The following CHODL variants were observed in gnomAD, a reference collection of about 807,000 sequenced individuals.
CHODL encodes the protein chondrolectin, also known as transmembrane protein MT75.
A neutral mutation model predicts 34.5 loss-of-function variants in CHODL; 29 were observed. The ratio of observed to expected loss-of-function variants is 0.84; its 90% confidence interval spans 0.63 to 1.15. The LOEUF is 1.15. Among genes scored for constraint, CHODL ranks in the 50% most tolerant of loss-of-function variants. The probability of loss-of-function intolerance (pLI) is 0.00; values close to 1 mark genes in which losing one functional copy is unlikely to be tolerated. For synonymous variants in CHODL, 125 were observed against 116.1 expected (o/e 1.08, Z -0.49); for missense variants, 332 against 332.5 (o/e 1.00, Z 0.01).
chr21:18,133,820 C>G (rs2072687528), intron 2 of CHODL, among the ~76,000 whole-genome samples: 3 of 152,130 alleles, frequency 2.0e-5, no homozygotes, highest in African/African-American at 7.2e-5. Flanking sequence ...CTCATACTGC[C>G]TATTGTGTGG....
chr21:18,198,291 G>A (rs759647058), intron 2 of CHODL, among the ~76,000 whole-genome samples: 7 of 152,016 alleles, frequency 4.6e-5, no homozygotes, highest in South Asian at 2.1e-4. Context: ...TATACTCTTT[G>A]TTCCCAAAGA....
At chr21:17,946,377 G>A (rs897076290) in intron 1 of CHODL, among the ~76,000 whole-genome samples, 14 of 152,160 alleles carry the variant, frequency 9.2e-5, no homozygotes, top group Non-Finnish European at 1.9e-4. Context: ...CCGAGATGGC[G>A]CCACTGCACT....
intron 2 of CHODL, among the ~76,000 whole-genome samples, chr21:18,130,153 T>TA (rs1260306382): frequency 6.6e-6 from 1 of 152,172 alleles, no homozygotes; most frequent in Non-Finnish European, 1.5e-5. Flanking sequence ...GATTAGTCAA[T>TA]AATGCAGATA....
chr21:18,113,043 A>T (rs1267455451), intron 2 of CHODL, among the ~76,000 whole-genome samples: 1 of 152,138 alleles, frequency 6.6e-6, no homozygotes, highest in Non-Finnish European at 1.5e-5. Flanking sequence ...TAACCAGAGT[A>T]TATAAGGAGC....
intron 2 of CHODL, among the ~76,000 whole-genome samples, chr21:18,197,327 G>T (rs146223426): frequency 6.6e-6 from 1 of 151,944 alleles, no homozygotes; most frequent in African/African-American, 2.4e-5. Flanking sequence ...AAAATTTATC[G>T]TGGCTGAGCG....
chr21:18,086,041 C>CTTTTTTT (rs3984977), intron 2 of CHODL, among the ~76,000 whole-genome samples: 117 of 38,754 alleles, frequency 3.0e-3, no homozygotes, highest in Non-Finnish European at 4.3e-3. Context: ...AGACTTTGTT[C>CTTTTTTT]TTTTTTTTTT....
At chr21:17,963,732 T>C (rs1049150095) in intron 1 of CHODL, among the ~76,000 whole-genome samples, 2 of 152,212 alleles carry the variant, frequency 1.3e-5, no homozygotes, top group African/African-American at 4.8e-5. Context: ...CAACCTTTTT[T>C]TTTTTCTGTG....
intron 1 of CHODL, among the ~76,000 whole-genome samples, chr21:17,971,343 CCCA>C (rs1317042973): frequency 1.3e-5 from 2 of 152,214 alleles, no homozygotes; most frequent in African/African-American, 4.8e-5. Flanking sequence ...AATTTACACT[CCCA>C]CCAACAGTGT....
intron 2 of CHODL, among the ~76,000 whole-genome samples, chr21:18,054,522 G>A (rs1045402170): frequency 8.6e-5 from 13 of 151,940 alleles, no homozygotes; most frequent in African/African-American, 2.9e-4. Flanking sequence ...GATAAATACT[G>A]TATGATTTCA....
rs541019256 is a variant in CHODL, at chr21:18,056,646, T to A, written c.-45+28675T>A. Reference sequence around the variant, plus strand: ...AGACATCCTGCACTGTACTCTTTTTTAAATTCCTCCTATTTTTCATCTCTT... The same window carrying A: ...AGACATCCTGCACTGTACTCTTTTTAAAATTCCTCCTATTTTTCATCTCTT... On this transcript the variant is annotated intron_variant, in intron 2 of 6. Transcript: ENST00000400127. Among the ~76,000 whole-genome samples the A allele has an allele frequency of 1.9e-4, 29 of 152,092 alleles. 1 individual carries two copies. The East Asian group carries it at 3.9e-3, about 20-fold the overall frequency.
chr21:17,981,752 A>T (rs1181232516), intron 1 of CHODL, among the ~76,000 whole-genome samples: 1 of 152,214 alleles, frequency 6.6e-6, no homozygotes, highest in Non-Finnish European at 1.5e-5. Context: ...TGAGTGGCTA[A>T]CTTACCTAGT....
chr21:18,244,608 A>C (rs2074113444), upstream of CHODL, among the ~76,000 whole-genome samples: 3 of 152,132 alleles, frequency 2.0e-5, no homozygotes, highest in Admixed American at 6.5e-5. Flanking sequence ...ATTTTACACA[A>C]AGAGTATCCA....
intron 2 of CHODL, among the ~76,000 whole-genome samples, chr21:18,195,039 AT>A (rs752194004): frequency 6.7e-6 from 1 of 150,308 alleles, no homozygotes; most frequent in East Asian, 2.0e-4. Flanking sequence ...TTATTTATTT[AT>A]TTATTTATTT....
intron 2 of CHODL, among the ~76,000 whole-genome samples, chr21:18,228,848 C>T (rs1371773771): frequency 6.6e-6 from 1 of 152,066 alleles, no homozygotes; most frequent in Non-Finnish European, 1.5e-5. Context: ...ATAACGAGAG[C>T]CCTACTAAAT....
chr21:18,073,516 A>C (rs1205451837), intron 2 of CHODL, among the ~76,000 whole-genome samples: 3 of 152,114 alleles, frequency 2.0e-5, no homozygotes, highest in African/African-American at 7.2e-5. Flanking sequence ...TTAAACTTTC[A>C]GGAAGATTCT....
At chr21:17,980,872 A>G (rs1255551318) in intron 1 of CHODL, among the ~76,000 whole-genome samples, 2 of 152,190 alleles carry the variant, frequency 1.3e-5, no homozygotes, top group South Asian at 2.1e-4. Flanking sequence ...CTTCACTTTG[A>G]AAAAGATGAG....
intron 1 of CHODL, among the ~76,000 whole-genome samples, chr21:17,943,657 C>T (rs1252038050): frequency 5.3e-5 from 8 of 152,140 alleles, no homozygotes; most frequent in Admixed American, 2.0e-4. Context: ...GAGACACCAG[C>T]GTGCTATGTA....
At chr21:18,224,477 T>C (rs887021747) in intron 2 of CHODL, among the ~76,000 whole-genome samples, 4 of 152,214 alleles carry the variant, frequency 2.6e-5, no homozygotes, top group African/African-American at 9.6e-5. Flanking sequence ...ATATTCAGTG[T>C]GGTTAAGTTC....
chr21:18,150,576 G>A (rs2072951700), intron 2 of CHODL, among the ~76,000 whole-genome samples: 1 of 152,080 alleles, frequency 6.6e-6, no homozygotes, highest in African/African-American at 2.4e-5. Flanking sequence ...GCGGGAAAAA[G>A]GGGGCCAGGG....
Sources: allele counts gnomAD v4.1 joint callset (sites outside exome capture counted in the v4.1 genomes callset), GRCh38; gene constraint gnomAD v4.1.1; transcripts MANE v1.5; gene names NCBI Gene and HGNC (gene_info 2026-07-23, HGNC 2026-07-21).